The following TGFBR3 variants were observed in gnomAD, a reference collection of about 807,000 sequenced individuals.
The protein encoded by TGFBR3 is transforming growth factor beta receptor type 3.
A neutral mutation model predicts 87.9 loss-of-function variants in TGFBR3; 46 were observed. The ratio of observed to expected loss-of-function variants is 0.52; its 90% CI spans 0.41 to 0.67. The LOEUF is 0.67. Among genes scored for constraint, TGFBR3 ranks in the 30% least tolerant of loss-of-function variants. TGFBR3 has a pLI of 0.00. For synonymous variants in TGFBR3, 381 were observed against 391.6 expected (o/e 0.97, Z 0.32); for missense variants, 866 against 1,041.9 (o/e 0.83, Z 2.32).
In TGFBR3 at chr1:91,827,254, G is replaced by A. The variant is rs144922016; in HGVS notation, c.62-29783C>T. Among the ~76,000 whole-genome samples the A allele has an allele frequency of 7.4e-3, 1,134 of 152,254 alleles. 17 individuals are homozygous for A. Among genetic ancestry groups the A allele is most frequent in the African/African-American group, 0.026 (1,069 of 41,526 alleles). On this transcript the variant is annotated intron_variant, in intron 2 of 16. Transcript: ENST00000212355. The stretch of plus-strand genomic sequence containing the variant: ...CAACGATCACAACAACAGAACCAGC[G>A]GGGCGTGTACAGGCTGGCGGTTACG...
At chr1:91,818,117 G>A (rs558253689) in intron 2 of TGFBR3, among the ~76,000 whole-genome samples, 3 of 149,690 alleles carry the variant, frequency 2.0e-5, no homozygotes, top group Admixed American at 6.7e-5. Context: ...TCCTTCCTAC[G>A]CGTGTCCTCA....
intron 1 of TGFBR3, among the ~76,000 whole-genome samples, chr1:91,874,968 A>G (rs1678725542): frequency 6.6e-6 from 1 of 151,864 alleles, no homozygotes; most frequent in African/African-American, 2.4e-5. Flanking sequence ...GTAACCCTAA[A>G]CTCTATGATT....
chr1:91,765,672 A>C (rs1026020702), intron 3 of TGFBR3, among the ~76,000 whole-genome samples: 14 of 152,240 alleles, frequency 9.2e-5, no homozygotes, highest in African/African-American at 3.4e-4. Context: ...CAGTTACGCA[A>C]ATAAAAACAC....
chr1:91,857,354 A>AT, intron 2 of TGFBR3, among the ~76,000 whole-genome samples: 1 of 151,386 alleles, frequency 6.6e-6, no homozygotes, highest in Non-Finnish European at 1.5e-5. Flanking sequence ...TCATCCATTT[A>AT]TTTAAAAAAA....
At chr1:91,809,325 A>T (rs1420241217) in intron 2 of TGFBR3, among the ~76,000 whole-genome samples, 1 of 152,222 alleles carries the variant, frequency 6.6e-6, no homozygotes, top group Non-Finnish European at 1.5e-5. Flanking sequence ...AAAAGCACGG[A>T]GGAATAACAT....
chr1:91,831,610 C>G (rs1198254175), intron 2 of TGFBR3, among the ~76,000 whole-genome samples: 1 of 152,168 alleles, frequency 6.6e-6, no homozygotes, highest in Non-Finnish European at 1.5e-5. Context: ...GTTTTATACA[C>G]AGGATTTTTT....
intron 1 of TGFBR3, among the ~76,000 whole-genome samples, chr1:91,874,803 T>C (rs2101255354): frequency 6.6e-6 from 1 of 152,274 alleles, no homozygotes; most frequent in East Asian, 1.9e-4. Context: ...TAGAGTGTTT[T>C]AAGCAAGGGA....
At chr1:91,765,110 C>T (rs1359836922) in intron 3 of TGFBR3, among the ~76,000 whole-genome samples, 1 of 151,680 alleles carries the variant, frequency 6.6e-6, no homozygotes, top group Non-Finnish European at 1.5e-5. Flanking sequence ...TTATGTGTGG[C>T]CCGAGACAAT....
chr1:91,744,251 A>AT (rs1235749322), intron 4 of TGFBR3, among the ~76,000 whole-genome samples: 2 of 151,300 alleles, frequency 1.3e-5, no homozygotes, highest in African/African-American at 4.9e-5. Flanking sequence ...TGCCCGGTTA[A>AT]TTTTTTGTAT....
rs896481965 is a variant in TGFBR3, at chr1:91,732,622, T to C, written c.568+2154A>G. ...CCGTGGTGATAAACATATCACTTTA[T>C]GGTCCACTGACCTCACCAAGGAACC... On this transcript the variant is annotated intron_variant, in intron 5 of 16. Coordinates refer to ENST00000212355, the MANE Select transcript of TGFBR3 (RefSeq NM_003243.5). Among the ~76,000 whole-genome samples, 9 of 152,318 alleles carry C rather than the reference T, an allele frequency of 5.9e-5. No homozygotes were observed. The South Asian group carries it at 6.2e-4, about 11-fold the overall frequency.
chr1:91,784,705 C>G (rs1463522877), intron 3 of TGFBR3, among the ~76,000 whole-genome samples: 1 of 152,040 alleles, frequency 6.6e-6, no homozygotes, highest in Non-Finnish European at 1.5e-5. Flanking sequence ...AGAATAAGGG[C>G]GTGGGGCAAG....
intron 4 of TGFBR3, among the ~76,000 whole-genome samples, chr1:91,738,139 A>T (rs1673025586): frequency 6.6e-6 from 1 of 152,190 alleles, no homozygotes; most frequent in Admixed American, 6.5e-5. Context: ...AGGCCTTCGA[A>T]CTGGAACTGG....
chr1:91,777,837 T>C (rs993677193), intron 3 of TGFBR3, among the ~76,000 whole-genome samples: 3 of 152,204 alleles, frequency 2.0e-5, no homozygotes, highest in African/African-American at 4.8e-5. Flanking sequence ...ACTCCTGCAA[T>C]GCTTTGCACC....
At chr1:91,787,619 G>T (rs984765435) in intron 3 of TGFBR3, among the ~76,000 whole-genome samples, 2 of 152,168 alleles carry the variant, frequency 1.3e-5, no homozygotes, top group African/African-American at 4.8e-5. Flanking sequence ...CCTAAGACCA[G>T]ACAAGCCACC....
At chr1:91,727,872 T>C in intron 6 of TGFBR3, 66 bp from the exon 7 acceptor site, 1 of 1,579,140 alleles carries the variant, frequency 6.3e-7, no homozygotes, top group South Asian at 1.1e-5. Flanking sequence ...ATCTCCCCTC[T>C]TCCAAGTCTT....
chr1:91,787,211 G>GA (rs1392497606), intron 3 of TGFBR3, among the ~76,000 whole-genome samples: 2 of 152,022 alleles, frequency 1.3e-5, no homozygotes, highest in East Asian at 3.9e-4. Flanking sequence ...TGAGGCAAGA[G>GA]AATCGCTTGA....
intron 3 of TGFBR3, among the ~76,000 whole-genome samples, chr1:91,767,014 G>T (rs1674208843): frequency 7.5e-6 from 1 of 133,690 alleles, no homozygotes. Context: ...AGATGGATTT[G>T]AGTTTTCCCC....
chr1:91,731,186 G>T (rs1672754501), intron 5 of TGFBR3, among the ~76,000 whole-genome samples: 1 of 152,236 alleles, frequency 6.6e-6, no homozygotes, highest in East Asian at 1.9e-4. Context: ...GGATGCCAGG[G>T]TTCAAGTCCA....
intron 3 of TGFBR3, among the ~76,000 whole-genome samples, chr1:91,760,043 A>G (rs1673903256): frequency 6.6e-6 from 1 of 152,242 alleles, no homozygotes; most frequent in Non-Finnish European, 1.5e-5. Flanking sequence ...AACTTTCATT[A>G]TCTTTCAAAA....
Sources: gnomAD v4.1 joint callset for allele counts (sites outside exome capture counted in the v4.1 genomes callset) on GRCh38, gnomAD v4.1.1 for gene constraint, MANE v1.5 for transcripts, NCBI Gene and HGNC (gene_info 2026-07-23, HGNC 2026-07-21) for gene names.